Variants in PDE5A observed in about 807,000 individuals in gnomAD.
PDE5A encodes phosphodiesterase 5A.
In PDE5A, 67 loss-of-function variants were observed where a neutral mutation model predicts 110.2. The ratio of observed to expected loss-of-function variants is 0.61; its 90% CI spans 0.50 to 0.75. PDE5A has a LOEUF of 0.75. PDE5A is among the 30% of genes least tolerant of loss of function. The pLI is 0.00. For missense variants in PDE5A, 862 were observed against 1,045.1 expected, an observed-to-expected ratio of 0.82 and a Z score of 2.42; for synonymous variants, 328 against 351.2, an observed-to-expected ratio of 0.93 and a Z score of 0.74.
chr4:119,586,256 T>A (rs967485468), intron 3 of PDE5A, among the ~76,000 whole-genome samples: 3 of 152,216 alleles, frequency 2.0e-5, no homozygotes, highest in Admixed American at 6.5e-5. Flanking sequence ...CAAAAAAATT[T>A]AAAAATTTTT....
intron 8 of PDE5A, among the ~76,000 whole-genome samples, chr4:119,553,059 C>T (rs1727414837): frequency 6.6e-6 from 1 of 151,998 alleles, no homozygotes; most frequent in Non-Finnish European, 1.5e-5. Context: ...TGCTATATTG[C>T]TAAAGTTCTA....
rs1725533765 is a variant in PDE5A, at chr4:119,505,871, GA to G, written c.2250del (p.Gln751LysfsTer9). Reference sequence around the variant, plus strand: ...CCTACTTACAAAAACAACTCCTTTTGATGAGGATCTTCCAAATTGAATTGAT... The same window carrying G: ...CCTACTTACAAAAACAACTCCTTTTGTGAGGATCTTCCAAATTGAATTGAT... ...RKNQFNLEDP[H>X]QKELFLAMLM... On this transcript the variant is annotated frameshift_variant, in exon 17 of 21. Coordinates refer to ENST00000354960, the MANE Select transcript of PDE5A (RefSeq NM_001083.4). LOFTEE classifies it high-confidence loss of function. The G allele has an allele frequency of 6.4e-7, 1 of 1,566,542 alleles. No individual in the cohort carries two copies. The highest frequency in any genetic ancestry group is 8.7e-7 in the Non-Finnish European group (1 of 1,154,652).
At chr4:119,577,878 G>C (rs1489314972) in intron 3 of PDE5A, among the ~76,000 whole-genome samples, 2 of 152,180 alleles carry the variant, frequency 1.3e-5, no homozygotes, top group African/African-American at 4.8e-5. Context: ...ATTCAGTTAG[G>C]AAAAGAGGAA....
At chr4:119,603,149 A>G (rs961348752) in intron 2 of PDE5A, among the ~76,000 whole-genome samples, 1 of 152,188 alleles carries the variant, frequency 6.6e-6, no homozygotes, top group Non-Finnish European at 1.5e-5. Flanking sequence ...TTCTGATTAT[A>G]TATCTTACTA....
intron 11 of PDE5A, among the ~76,000 whole-genome samples, chr4:119,534,840 C>T (rs1243122646): frequency 6.6e-6 from 1 of 152,126 alleles, no homozygotes; most frequent in African/African-American, 2.4e-5. Flanking sequence ...TCACCTGCAG[C>T]AATCACACAC....
chr4:119,576,295 A>G (rs1404980717), intron 3 of PDE5A, among the ~76,000 whole-genome samples: 3 of 152,296 alleles, frequency 2.0e-5, no homozygotes, highest in African/African-American at 7.2e-5. Flanking sequence ...GAGAGTTAAC[A>G]AGGATATCCA....
intron 3 of PDE5A, among the ~76,000 whole-genome samples, chr4:119,574,472 C>T (rs140945089): frequency 1.7e-3 from 265 of 152,124 alleles, no homozygotes; most frequent in African/African-American, 6.1e-3. Flanking sequence ...TGGGCCACCG[C>T]GCCTGGCCAA....
intron 3 of PDE5A, among the ~76,000 whole-genome samples, chr4:119,574,636 A>C (rs1342537712): frequency 8.8e-6 from 1 of 113,136 alleles, no homozygotes; most frequent in African/African-American, 3.0e-5. Context: ...TCAAAATTAT[A>C]ACTCTAAGAA....
At chr4:119,628,291 G>T (rs376170561) in intron 1 of PDE5A, among the ~76,000 whole-genome samples, 1 of 43,296 alleles carries the variant, frequency 2.3e-5, no homozygotes. Flanking sequence ...CGGGGGTGAG[G>T]GTGGGAGGTC....
At chr4:119,503,262 G>C (rs901774066) in intron 18 of PDE5A, among the ~76,000 whole-genome samples, 1 of 152,040 alleles carries the variant, frequency 6.6e-6, no homozygotes, top group Admixed American at 6.6e-5. Flanking sequence ...TATTTATTAC[G>C]GACTCAAAAT....
intron 3 of PDE5A, among the ~76,000 whole-genome samples, chr4:119,593,786 T>C (rs1729062078): frequency 6.6e-6 from 1 of 152,164 alleles, no homozygotes; most frequent in Non-Finnish European, 1.5e-5. Context: ...GACTGGGTAA[T>C]TTATAAAGGA....
At chr4:119,571,629 G>T (rs1442481218) in intron 3 of PDE5A, among the ~76,000 whole-genome samples, 1 of 152,166 alleles carries the variant, frequency 6.6e-6, no homozygotes, top group African/African-American at 2.4e-5. Flanking sequence ...GAAGTCCAAA[G>T]CTTCAAATAA....
intron 3 of PDE5A, among the ~76,000 whole-genome samples, chr4:119,574,890 T>C (rs1427847139): frequency 6.6e-6 from 1 of 152,202 alleles, no homozygotes; most frequent in Non-Finnish European, 1.5e-5. Context: ...GATTAGGGAA[T>C]TAGTTATACA....
At chr4:119,584,842 C>T (rs1223871417) in intron 3 of PDE5A, among the ~76,000 whole-genome samples, 6 of 152,292 alleles carry the variant, frequency 3.9e-5, no homozygotes, top group Non-Finnish European at 1.5e-5. Flanking sequence ...AGTCTGTCAA[C>T]AGAGGCAGAA....
chr4:119,601,096 T>C (rs1441923331), intron 2 of PDE5A, among the ~76,000 whole-genome samples: 1 of 152,152 alleles, frequency 6.6e-6, no homozygotes, highest in African/African-American at 2.4e-5. Context: ...TGAGTGATAC[T>C]AGTGTATTTC....
At chr4:119,624,780 C>G (rs1227690972) in intron 1 of PDE5A, among the ~76,000 whole-genome samples, 1 of 152,124 alleles carries the variant, frequency 6.6e-6, no homozygotes, top group African/African-American at 2.4e-5. Context: ...AGCATTAGCA[C>G]CAGGAAAGCT....
At chr4:119,604,211 C>T (rs1481100187) in intron 2 of PDE5A, among the ~76,000 whole-genome samples, 1 of 152,162 alleles carries the variant, frequency 6.6e-6, no homozygotes, top group Non-Finnish European at 1.5e-5. Flanking sequence ...AGGACACTAG[C>T]TGTTTTAAAC....
intron 1 of PDE5A, among the ~76,000 whole-genome samples, chr4:119,618,035 C>G: frequency 6.6e-6 from 1 of 152,100 alleles, no homozygotes; most frequent in Non-Finnish European, 1.5e-5. Flanking sequence ...CTTTGCTTTG[C>G]TTGCATTAAT....
chr4:119,543,041 A>AACACACACACACACACACAC (rs1343631566), intron 9 of PDE5A: 3 of 30,926 alleles, frequency 9.7e-5, no homozygotes, highest in Admixed American at 4.6e-4. Context: ...CCAGAAGTTA[A>AACACACACACACACACACAC]ACATACACAC....
Sources: allele counts gnomAD v4.1 joint callset (sites outside exome capture counted in the v4.1 genomes callset), GRCh38; gene constraint gnomAD v4.1.1; transcripts MANE v1.5; gene names NCBI Gene and HGNC (gene_info 2026-07-23, HGNC 2026-07-21).